The following BLTP2 variants were observed in gnomAD, a reference collection of about 807,000 sequenced individuals.
BLTP2 encodes the protein bridge-like lipid transfer protein family member 2.
At chr17:28,634,111 C>T in the BLTP2 span, 5 of 1,606,172 alleles carry the variant, frequency 3.1e-6, no homozygotes, top group East Asian at 1.1e-4. Flanking sequence ...AGGGTACACA[C>T]TGGCTACTCA....
the BLTP2 span, chr17:28,637,111 C>G: frequency 4.6e-5 from 74 of 1,614,074 alleles, no homozygotes; most frequent in Non-Finnish European, 5.2e-5. Context: ...TGAATCCCCA[C>G]AGTGGACGTC....
chr17:28,632,085 C>T, the BLTP2 span: 2 of 1,614,136 alleles, frequency 1.2e-6, no homozygotes, highest in East Asian at 2.2e-5. Context: ...AGGAAAGTTG[C>T]TTGTAGTGCT....
chr17:28,644,270 C>A, the BLTP2 span: 1 of 1,478,290 alleles, frequency 6.8e-7, no homozygotes, highest in Non-Finnish European at 9.2e-7. Flanking sequence ...CAAAGCCTTG[C>A]AAAAGGTCGT....
the BLTP2 span, chr17:28,621,476 C>T: frequency 4.7e-5 from 76 of 1,613,984 alleles, no homozygotes; most frequent in South Asian, 5.5e-5. Flanking sequence ...ACTACGCTGC[C>T]GGTGCTCCTC....
the BLTP2 span, chr17:28,617,348 A>G: frequency 6.5e-7 from 1 of 1,533,412 alleles, no homozygotes; most frequent in East Asian, 2.3e-5. Context: ...CCCATCTACT[A>G]TAATAAACCT....
chr17:28,639,358 T>C, the BLTP2 span: 2 of 1,614,132 alleles, frequency 1.2e-6, no homozygotes, highest in Non-Finnish European at 1.7e-6. Context: ...GACCCTTGGG[T>C]TTCCAGTGCT....
At chr17:28,620,712 C>T in the BLTP2 span, 1 of 1,487,112 alleles carries the variant, frequency 6.7e-7, no homozygotes, top group Middle Eastern at 1.9e-4. Flanking sequence ...CATTTGGAAC[C>T]ACCCCACTAG....
chr17:28,642,352 A>G, the BLTP2 span: 2 of 1,613,922 alleles, frequency 1.2e-6, no homozygotes, highest in East Asian at 4.5e-5. Flanking sequence ...AAGGAAAAAA[A>G]TTAAGAGCAC....
the BLTP2 span, among the ~76,000 whole-genome samples, chr17:28,640,891 G>A: frequency 6.6e-6 from 1 of 152,272 alleles, no homozygotes; most frequent in Non-Finnish European, 1.5e-5. Flanking sequence ...AGAGTACAAG[G>A]AGCAGGTTGG....
At chr17:28,639,672 A>T in the BLTP2 span, 35 of 1,603,902 alleles carry the variant, frequency 2.2e-5, no homozygotes, top group Non-Finnish European at 2.9e-5. Context: ...AGATCAGAGG[A>T]GAGCACTGGA....
chr17:28,632,308 T>G, the BLTP2 span: 4 of 1,410,262 alleles, frequency 2.8e-6, no homozygotes, highest in Non-Finnish European at 3.9e-6. Flanking sequence ...ATCCTTCCCT[T>G]GCTGCAGGTT....
At chr17:28,640,438 T>G in the BLTP2 span, 2 of 1,020,706 alleles carry the variant, frequency 2.0e-6, no homozygotes, top group African/African-American at 1.6e-5. Context: ...TACATGGATG[T>G]AACCATTTCT....
chr17:28,639,074 A>C, the BLTP2 span: 1 of 535,218 alleles, frequency 1.9e-6, no homozygotes, highest in Non-Finnish European at 3.3e-6. Flanking sequence ...AGTTCAACAA[A>C]CATTTATTTT....
At chr17:28,632,749 G>A in the BLTP2 span, among the ~76,000 whole-genome samples, 1 of 152,018 alleles carries the variant, frequency 6.6e-6, no homozygotes, top group East Asian at 1.9e-4. Context: ...TGGTATTACT[G>A]TTATAGCAGC....
the BLTP2 span, among the ~76,000 whole-genome samples, chr17:28,628,080 C>A: frequency 6.6e-6 from 1 of 152,206 alleles, no homozygotes; most frequent in African/African-American, 2.4e-5. Flanking sequence ...AGGACCAGAC[C>A]ATTTAATGCC....
At chr17:28,626,025 A>C in the BLTP2 span, among the ~76,000 whole-genome samples, 1 of 152,180 alleles carries the variant, frequency 6.6e-6, no homozygotes, top group Non-Finnish European at 1.5e-5. Flanking sequence ...GGCCTCCCAA[A>C]GTGCTGGGAC....
the BLTP2 span, chr17:28,639,649 G>A: frequency 1.2e-6 from 2 of 1,613,736 alleles, no homozygotes; most frequent in Non-Finnish European, 1.7e-6. Context: ...CCATCTGTAA[G>A]AGGCCAGAGG....
the BLTP2 span, chr17:28,644,882 T>G: frequency 1.7e-6 from 1 of 605,464 alleles, no homozygotes. Context: ...CCACTCTGCC[T>G]CACGCGCCTC....
chr17:28,615,060 C>G, the BLTP2 span: 1 of 1,612,246 alleles, frequency 6.2e-7, no homozygotes, highest in Non-Finnish European at 8.5e-7. Flanking sequence ...CTCGAATCGC[C>G]AAATCATTTG....
Sources: gnomAD v4.1 joint callset for allele counts (sites outside exome capture counted in the v4.1 genomes callset) on GRCh38, gnomAD v4.1.1 for gene constraint, MANE v1.5 for transcripts, NCBI Gene and HGNC (gene_info 2026-07-23, HGNC 2026-07-21) for gene names.